Variants in GLTP observed in about 807,000 individuals in gnomAD.
GLTP encodes glycolipid transfer protein.
Under a neutral mutation model 24.0 loss-of-function variants are expected in GLTP, and 22 were observed. That is an observed-to-expected ratio of 0.92 (90% CI 0.65 to 1.31). The LOEUF is 1.31. GLTP is among the 50% of genes most tolerant of loss of function. The pLI is 0.00. For missense variants in GLTP, 224 were observed against 276.6 expected, an observed-to-expected ratio of 0.81 and a Z score of 1.35; for synonymous variants, 92 against 115.9, an observed-to-expected ratio of 0.79 and a Z score of 1.33.
intron 3 of GLTP, among the ~76,000 whole-genome samples, chr12:109,856,738 C>T (rs1386889442): frequency 6.6e-6 from 1 of 152,168 alleles, no homozygotes; most frequent in Non-Finnish European, 1.5e-5. Flanking sequence ...TTCAAACTAG[C>T]CCATAGGATG....
intron 1 of GLTP, among the ~76,000 whole-genome samples, chr12:109,862,907 C>CT (rs1868410435): frequency 2.0e-5 from 3 of 152,162 alleles, no homozygotes; most frequent in African/African-American, 7.2e-5. Flanking sequence ...CAAAAATTAG[C>CT]CAGGTGTGGT....
At chr12:109,860,113 A>G (rs188903) in intron 1 of GLTP, 1 of 152,128 alleles carries the variant, frequency 6.6e-6, no homozygotes. Flanking sequence ...CGAGTAGCTG[A>G]GATTACAGGC....
intron 1 of GLTP, among the ~76,000 whole-genome samples, chr12:109,874,462 T>C (rs1868823270): frequency 6.6e-6 from 1 of 152,096 alleles, no homozygotes; most frequent in Non-Finnish European, 1.5e-5. Flanking sequence ...TTAATTAAGG[T>C]AAGAGGCATG....
Position 109,852,555 on chromosome 12 carries a change from C to CTACACCTTG in GLTP, c.621_629dup (p.Tyr207_Val209dup), listed in dbSNP as rs1469490941. ...GGGACGTGTCCAGCAGTGGGCATGC[C>CTACACCTTG]TACACCTTGTAGTTAAGCTCAGCGT... On this transcript the variant is annotated inframe_insertion, in exon 5 of 5. Coordinates refer to ENST00000318348, the MANE Select transcript of GLTP (RefSeq NM_016433.4). The CTACACCTTG allele has an allele frequency of 6.3e-7, 1 of 1,598,816 alleles. No homozygotes were observed. The highest frequency in any genetic ancestry group is 8.6e-7 in the Non-Finnish European group (1 of 1,167,442).
intron 1 of GLTP, among the ~76,000 whole-genome samples, chr12:109,869,857 C>A (rs563466172): frequency 9.5e-4 from 142 of 150,204 alleles, no homozygotes; most frequent in Non-Finnish European, 1.3e-3. Flanking sequence ...GCAACCTCCA[C>A]CTCCCAGGTT....
At chr12:109,868,161 C>T (rs1211888396) in intron 1 of GLTP, among the ~76,000 whole-genome samples, 8 of 152,246 alleles carry the variant, frequency 5.3e-5, no homozygotes, top group Non-Finnish European at 2.9e-5. Context: ...CATGTCACTA[C>T]GACCAGCTAA....
At chr12:109,866,759 C>CTT (rs35739263) in intron 1 of GLTP, among the ~76,000 whole-genome samples, 11 of 129,898 alleles carry the variant, frequency 8.5e-5, no homozygotes, top group African/African-American at 2.6e-4. Flanking sequence ...CTTTGTGTAT[C>CTT]TTTTTTTTTT....
At chr12:109,876,771 ATTTG>A (rs1868898622) in intron 1 of GLTP, among the ~76,000 whole-genome samples, 1 of 152,150 alleles carries the variant, frequency 6.6e-6, no homozygotes, top group African/African-American at 2.4e-5. Flanking sequence ...GGTTATACTT[ATTTG>A]TTTATTTATT....
chr12:109,858,597 C>T (rs577886900), intron 2 of GLTP, 86 bp downstream of exon 2: 6 of 955,056 alleles, frequency 6.3e-6, no homozygotes, highest in Admixed American at 1.7e-5. Flanking sequence ...GGGAAGCTTG[C>T]AGCTGGGACC....
At chr12:109,862,510 T>C (rs1408966438) in intron 1 of GLTP, among the ~76,000 whole-genome samples, 1 of 152,210 alleles carries the variant, frequency 6.6e-6, no homozygotes, top group East Asian at 1.9e-4. Flanking sequence ...ATGGATGGGC[T>C]ACATGGGGAC....
intron 1 of GLTP, among the ~76,000 whole-genome samples, chr12:109,867,096 A>T (rs985182274): frequency 7.3e-5 from 11 of 151,630 alleles, no homozygotes; most frequent in African/African-American, 2.7e-4. Context: ...GTATTTTTTT[A>T]AAACTCCTGT....
In GLTP at chr12:109,855,308, G is replaced by A. The variant is rs1892780064; in HGVS notation, c.447+311C>T. Among the ~76,000 whole-genome samples the A allele has an allele frequency of 6.6e-6, 1 of 152,208 alleles. No homozygotes were observed. The highest frequency in any genetic ancestry group is 6.5e-5 in the Admixed American group (1 of 15,284). ...CATCAGGCTGGGCCACTTTTGACCT[G>A]GGGTCCTCCAGGGCTTTCCCTGTGG... On this transcript the variant is annotated intron_variant, in intron 4 of 4. Coordinates refer to ENST00000318348, the MANE Select transcript of GLTP (RefSeq NM_016433.4). The surrounding 1 kb of genome is among the most constrained non-coding windows in gnomAD (Gnocchi z 4.1).
intron 1 of GLTP, among the ~76,000 whole-genome samples, chr12:109,867,777 TC>T (rs1394871751): frequency 8.0e-6 from 1 of 125,578 alleles, no homozygotes; most frequent in Non-Finnish European, 1.6e-5. Flanking sequence ...TTTTCTTTTC[TC>T]TTTTTTTTTT....
Position 109,857,577 on chromosome 12 carries a change from C to G in GLTP, c.245G>C (p.Gly82Ala). The G allele has an allele frequency of 6.2e-7, 1 of 1,614,090 alleles. No individual in the cohort carries two copies. The change falls in exon 3 of 5, where the codon GGA (glycine) becomes GCA (alanine). Residue 82 changes from glycine (G) to alanine (A), a missense_variant. Physicochemically the swap from Gly to Ala is moderately conservative, Grantham distance 60. Transcript: ENST00000318348. The surrounding 1 kb of genome is among the most constrained non-coding windows in gnomAD (Gnocchi z 4.3). Reference protein sequence around the residue: ...NILEVEKEMYGAEWPKVGATL... With the variant: ...NILEVEKEMYAAEWPKVGATL... Reference sequence around the variant, plus strand: ...GGCCCCTACTTTGGGCCACTCTGCTCCATACATTTCTTTCTCCACCTCCAG... The same window carrying G: ...GGCCCCTACTTTGGGCCACTCTGCTGCATACATTTCTTTCTCCACCTCCAG...
At chr12:109,869,325 G>GA (rs1565899913) in intron 1 of GLTP, among the ~76,000 whole-genome samples, 6 of 80,808 alleles carry the variant, frequency 7.4e-5, no homozygotes, top group African/African-American at 3.2e-4. Context: ...AAAAAAGAAA[G>GA]AAAGAAAGAA....
intron 1 of GLTP, chr12:109,866,561 A>T (rs1592891897): frequency 6.6e-6 from 1 of 152,254 alleles, no homozygotes; most frequent in Admixed American, 6.5e-5. Flanking sequence ...CCTGGATGGA[A>T]CTCATCAAAA....
intron 1 of GLTP, among the ~76,000 whole-genome samples, chr12:109,872,613 G>C (rs1025462629): frequency 6.6e-6 from 1 of 152,122 alleles, no homozygotes; most frequent in Non-Finnish European, 1.5e-5. Context: ...CCACCAGCAC[G>C]GCACCAGCAC....
chr12:109,864,114 C>T (rs1868447516), intron 1 of GLTP, among the ~76,000 whole-genome samples: 1 of 152,158 alleles, frequency 6.6e-6, no homozygotes, highest in African/African-American at 2.4e-5. Flanking sequence ...CCAGAGCTCC[C>T]GCTCAACAGT....
chr12:109,873,479 A>C (rs888258795), intron 1 of GLTP, among the ~76,000 whole-genome samples: 3 of 152,080 alleles, frequency 2.0e-5, no homozygotes, highest in Admixed American at 6.5e-5. Flanking sequence ...GTGAAAATAC[A>C]AAAAATTAGC....
Sources: allele counts gnomAD v4.1 joint callset (sites outside exome capture counted in the v4.1 genomes callset), GRCh38; gene constraint gnomAD v4.1.1; non-coding constraint Gnocchi (gnomAD v3.1); transcripts MANE v1.5; gene names NCBI Gene and HGNC (gene_info 2026-07-23, HGNC 2026-07-21).